HES7: variants seen among roughly 807,000 people sequenced by gnomAD.
HES7 encodes transcription factor HES-7.
In HES7, 8 loss-of-function variants were observed where a neutral mutation model predicts 18.0. That is an observed-to-expected ratio of 0.45 (90% CI 0.26 to 0.80). The LOEUF (loss-of-function observed/expected upper bound fraction) is 0.80, where lower values mean the gene tolerates loss of function less well. Ranked by LOEUF, HES7 falls within the 30% of genes least tolerant of loss-of-function variation. HES7 has a pLI of 0.18. For synonymous variants in HES7, 170 were observed against 158.6 expected (o/e 1.07, Z -0.54); for missense variants, 356 against 340.9 (o/e 1.04, Z -0.35).
rs1981394852 is a variant in HES7, at chr17:8,122,311, C to T, written c.226+32G>A. The T allele has an allele frequency of 7.5e-6, 11 of 1,468,844 alleles. 1 individual carries two copies. Among genetic ancestry groups the T allele is most frequent in the Non-Finnish European group, 1.0e-5 (11 of 1,071,034 alleles). 91.0% of individuals were successfully genotyped at this position (1,468,844 alleles called of 1,614,324 possible). A position where few individuals can be genotyped will look rare whatever the true frequency, so the allele number is the denominator to read the frequency against. On this transcript the variant is annotated intron_variant, in intron 3 of 3. Transcript: ENST00000541682. The surrounding 1 kb of genome is among the most constrained non-coding windows in gnomAD (Gnocchi z 6.9). The stretch of plus-strand genomic sequence containing the variant: ...CCGGAGCCTCCTGGCGTCCCCCCTC[C>T]CTCCCTCCGCTGCCCCACCCCCGCG...
rs1981307600 is a variant in HES7, at chr17:8,121,380, G to A, written c.*191C>T. On this transcript the variant is annotated 3_prime_UTR_variant, in exon 4 of 4. Transcript: ENST00000541682. ...AAGGGAGAAGTTGGGGCAGGGAAAA[G>A]GGACAGGAACCAGGGAAATATATAT... 1 of 416,068 alleles carries A rather than the reference G, an allele frequency of 2.4e-6. No individual in the cohort carries two copies. The highest frequency in any genetic ancestry group is 4.1e-6 in the Non-Finnish European group (1 of 243,588). The allele number at this position is 416,068 out of a possible 1,614,324, so 25.8% of individuals were successfully genotyped here.
chr17:8,124,915 G>A (rs2071662070), upstream of HES7, among the ~76,000 whole-genome samples: 2 of 152,176 alleles, frequency 1.3e-5, no homozygotes, highest in South Asian at 4.1e-4. Flanking sequence ...TACAGTACAA[G>A]TATTTGATTC....
Position 8,121,370 on chromosome 17 carries a change from G to T in HES7, c.*201C>A, listed in dbSNP as rs1239870042. ...TCCTAGACGCAAGGGAGAAGTTGGGGCAGGGAAAAGGGACAGGAACCAGGG... is the reference window on the plus strand; with the variant it reads ...TCCTAGACGCAAGGGAGAAGTTGGGTCAGGGAAAAGGGACAGGAACCAGGG... On this transcript the variant is annotated 3_prime_UTR_variant, in exon 4 of 4. Transcript: ENST00000541682. 4.9e-6 allele frequency: 2 copies of T among 405,788 alleles called. No individual in the cohort carries two copies. Among genetic ancestry groups the T allele is most frequent in the Non-Finnish European group, 8.5e-6 (2 of 234,664 alleles). The allele number at this position is 405,788 out of a possible 1,614,324, so 25.1% of individuals were successfully genotyped here. A position where few individuals can be genotyped will look rare whatever the true frequency, so the allele number is the denominator to read the frequency against.
upstream of HES7, among the ~76,000 whole-genome samples, chr17:8,125,029 G>A (rs1981541235): frequency 1.3e-5 from 2 of 152,160 alleles, no homozygotes; most frequent in Non-Finnish European, 1.5e-5. Context: ...TAGGGTAGCA[G>A]GGAGCAGGCA....
upstream of HES7, among the ~76,000 whole-genome samples, chr17:8,125,655 G>GA (rs1981566912): frequency 6.6e-6 from 1 of 152,140 alleles, no homozygotes; most frequent in Non-Finnish European, 1.5e-5. Flanking sequence ...AACCATTCGG[G>GA]ACCACTTCCC....
chr17:8,121,966 C>T lies in HES7; in HGVS notation c.298G>A (p.Gly100Ser). ...AAGCGAAGCAGGCACTCGCGGAAAC[C>T]GGACAAGTAGCAGCTGGCGAGCGCC... Reference protein sequence around the residue: ...AEALASCYLSGFRECLLRLAA... With the variant: ...AEALASCYLSSFRECLLRLAA... Residue 100 changes from glycine (G) to serine (S), a missense_variant, in exon 4 of 4, where the codon GGT becomes AGT. Coordinates refer to ENST00000541682, the MANE Select transcript of HES7 (RefSeq NM_001165967.2). 1.3e-6 allele frequency: 2 copies of T among 1,551,306 alleles called. No homozygotes were observed. The highest frequency in any genetic ancestry group is 1.7e-6 in the Non-Finnish European group (2 of 1,158,994).
chr17:8,122,489 G>C lies in HES7; in HGVS notation c.139-59C>G. The C allele has an allele frequency of 1.6e-6, 2 of 1,213,220 alleles. No individual in the cohort carries two copies. Among genetic ancestry groups the C allele is most frequent in the South Asian group, 2.6e-5 (2 of 76,632 alleles). 75.2% of individuals were successfully genotyped at this position (1,213,220 alleles called of 1,614,324 possible). The stretch of plus-strand genomic sequence containing the variant: ...AGGGGTGGGGAGAAAGGGGGAAAGT[G>C]GCAGGGGGAAGAAGGGAGGGACGGA... On this transcript the variant is annotated intron_variant, in intron 2 of 3. Transcript: ENST00000541682. The surrounding 1 kb of genome is among the most constrained non-coding windows in gnomAD (Gnocchi z 6.9).
In HES7 at chr17:8,123,215, C is replaced by G. The variant is rs760984393; in HGVS notation, c.43-89G>C. On this transcript the variant is annotated intron_variant, in intron 1 of 3. Coordinates refer to ENST00000541682, the MANE Select transcript of HES7 (RefSeq NM_001165967.2). This position sits in a 1 kb window ranked among gnomAD's most constrained non-coding sequence, Gnocchi z 5.9. ...GTCGGATCCCGCCGCTGGGAGAGCC[C>G]GGCTTCCACCCCGGCCACAAGACCC... The G allele has an allele frequency of 1.1e-5, 11 of 1,016,812 alleles. No homozygotes were observed. The highest frequency in any genetic ancestry group is 1.6e-5 in the African/African-American group (1 of 62,832). The allele number at this position is 1,016,812 out of a possible 1,614,324, so 63.0% of individuals were successfully genotyped here.
chr17:8,122,127 C>G lies in HES7; in HGVS notation c.227-90G>C, dbSNP rs1324275081. The G allele has an allele frequency of 8.3e-7, 1 of 1,198,796 alleles. No individual in the cohort carries two copies. The highest frequency in any genetic ancestry group is 2.7e-5 in the Admixed American group (1 of 36,912). 74.3% of individuals were successfully genotyped at this position (1,198,796 alleles called of 1,614,324 possible). ...GGGGCGCAGAGATACCAAGGCCGGA[C>G]AGGCGCACAGAGACAGGAAGCCAGA... On this transcript the variant is annotated intron_variant, in intron 3 of 3. Transcript: ENST00000541682. This position sits in a 1 kb window ranked among gnomAD's most constrained non-coding sequence, Gnocchi z 6.9.
chr17:8,121,598 C>G lies in HES7; in HGVS notation c.666G>C (p.Pro222=). The G allele has an allele frequency of 7.6e-7, 1 of 1,312,366 alleles. No homozygotes were observed. Among genetic ancestry groups the G allele is most frequent in the South Asian group, 2.3e-5 (1 of 42,960 alleles). The allele number at this position is 1,312,366 out of a possible 1,614,324, so 81.3% of individuals were successfully genotyped here. A position where few individuals can be genotyped will look rare whatever the true frequency, so the allele number is the denominator to read the frequency against. The change falls in exon 4 of 4, where the codon CCG becomes CCC. Residue 222 remains proline, a synonymous_variant. Coordinates refer to ENST00000541682, the MANE Select transcript of HES7 (RefSeq NM_001165967.2). The part of the protein sequence containing the change: ...DGAPKAPLPP[P]PAFWRPWP ...AGGGCCAAGGTCTCCAGAAAGCGGG[C>G]GGCGGGGGCAGCGGGGCCTTGGGCG...
At position 8,121,453 on chromosome 17, in the gene HES7, C is replaced by G. The variant is rs1024243984; in HGVS notation, c.*118G>C. 1 of 793,856 alleles carries G rather than the reference C, an allele frequency of 1.3e-6. No homozygotes were observed. Among genetic ancestry groups the G allele is most frequent in the East Asian group, 3.4e-5 (1 of 29,586 alleles). 49.2% of individuals were successfully genotyped at this position (793,856 alleles called of 1,614,324 possible). On this transcript the variant is annotated 3_prime_UTR_variant, in exon 4 of 4. Coordinates refer to ENST00000541682, the MANE Select transcript of HES7 (RefSeq NM_001165967.2). ...ACCACATCTCACCCGCGCGCTGAGC[C>G]CGCGCGCCCCACTGCCCTCCCCAAC...
upstream of HES7, among the ~76,000 whole-genome samples, chr17:8,126,382 C>A (rs375849755): frequency 8.3e-4 from 127 of 152,298 alleles, 2 homozygotes; most frequent in African/African-American, 2.9e-3. Flanking sequence ...CGTCTCTCCG[C>A]GTCTTGGCGT....
upstream of HES7, chr17:8,124,155 G>A (rs1391784358): frequency 1.3e-6 from 2 of 1,591,302 alleles, no homozygotes; most frequent in Admixed American, 1.7e-5. Context: ...CCCAAGGGTA[G>A]GAGGGATAGG....
upstream of HES7, among the ~76,000 whole-genome samples, chr17:8,125,694 G>T (rs1393461316): frequency 6.6e-6 from 1 of 152,134 alleles, no homozygotes. Context: ...GTCCGGGTCC[G>T]CCTCAACCTC....
chr17:8,122,125 G>T lies in HES7; in HGVS notation c.227-88C>A. ...GCGGGGCGCAGAGATACCAAGGCCGGACAGGCGCACAGAGACAGGAAGCCA... is the reference window on the plus strand; with the variant it reads ...GCGGGGCGCAGAGATACCAAGGCCGTACAGGCGCACAGAGACAGGAAGCCA... On this transcript the variant is annotated intron_variant, in intron 3 of 3. Transcript: ENST00000541682. This position sits in a 1 kb window ranked among gnomAD's most constrained non-coding sequence, Gnocchi z 6.9. The T allele has an allele frequency of 8.2e-7, 1 of 1,226,822 alleles. No homozygotes were observed. Among genetic ancestry groups the T allele is most frequent in the South Asian group, 1.5e-5 (1 of 66,008 alleles). The allele number at this position is 1,226,822 out of a possible 1,614,324, so 76.0% of individuals were successfully genotyped here. A position where few individuals can be genotyped will look rare whatever the true frequency, so the allele number is the denominator to read the frequency against.
upstream of HES7, among the ~76,000 whole-genome samples, chr17:8,126,091 G>C (rs1981598653): frequency 6.6e-6 from 1 of 150,954 alleles, no homozygotes; most frequent in Non-Finnish European, 1.5e-5. Flanking sequence ...CTCGGATCTC[G>C]GCCCCCCGCG....
Position 8,121,578 on chromosome 17 carries a change from C to G in HES7, c.686G>C (p.Trp229Ser). 1 of 1,310,802 alleles carries G rather than the reference C, an allele frequency of 7.6e-7. No homozygotes were observed. The highest frequency in any genetic ancestry group is 9.6e-7 in the Non-Finnish European group (1 of 1,037,124). The allele number at this position is 1,310,802 out of a possible 1,614,324, so 81.2% of individuals were successfully genotyped here. A position where few individuals can be genotyped will look rare whatever the true frequency, so the allele number is the denominator to read the frequency against. ...CCCACCACCCCCCAAGGCTCAGGGC[C>G]AAGGTCTCCAGAAAGCGGGCGGCGG... ...LPPPPAFWRPWP is the reference protein window; with the variant it reads ...LPPPPAFWRPSP The change falls in exon 4 of 4, where the codon TGG becomes TCG. Residue 229 changes from tryptophan to serine, a missense_variant. Physicochemically the swap from Trp to Ser is radical, Grantham distance 177. Coordinates refer to ENST00000541682, the MANE Select transcript of HES7 (RefSeq NM_001165967.2).
rs1273998275 is a variant in HES7, at chr17:8,122,681, C to T, written c.139-251G>A. On this transcript the variant is annotated intron_variant, in intron 2 of 3. Transcript: ENST00000541682. The surrounding 1 kb of genome is among the most constrained non-coding windows in gnomAD (Gnocchi z 6.9). ...CAACGCGTGAGGAGGAGATTTGAAA[C>T]CGCAACCCAGGGAATGAAATTAACC... Among the ~76,000 whole-genome samples the T allele has an allele frequency of 6.6e-6, 1 of 152,096 alleles. No homozygotes were observed.
At chr17:8,126,394 T>C (rs1233740715), upstream of HES7, among the ~76,000 whole-genome samples, 5 of 152,166 alleles carry the variant, frequency 3.3e-5, no homozygotes, top group Admixed American at 3.3e-4. Flanking sequence ...TCTTGGCGTC[T>C]GCATCTCCGC....
Sources: gnomAD v4.1 joint callset for allele counts (sites outside exome capture counted in the v4.1 genomes callset) on GRCh38, gnomAD v4.1.1 for gene constraint, Gnocchi (gnomAD v3.1) non-coding constraint, MANE v1.5 for transcripts, NCBI Gene and HGNC (gene_info 2026-07-23, HGNC 2026-07-21) for gene names.